FAM234A: variants seen among roughly 807,000 people sequenced by gnomAD.
FAM234A encodes the protein family with sequence similarity 234 member A, also known as protein FAM234A.
Under a neutral mutation model 49.1 loss-of-function variants are expected in FAM234A, and 42 were observed. The ratio of observed to expected loss-of-function variants is 0.86; its 90% CI spans 0.67 to 1.11. The LOEUF (loss-of-function observed/expected upper bound fraction) is 1.11. Among genes scored for constraint, FAM234A ranks in the 50% least tolerant of loss-of-function variants. The pLI, the probability that FAM234A is intolerant of heterozygous loss-of-function variation, is 0.00. For missense variants in FAM234A, 815 were observed against 745.2 expected (o/e 1.09, Z -1.09); for synonymous variants, 369 against 316.2 (o/e 1.17, Z -1.77).
chr16:256,905 G>A (rs1383317857), intron 3 of FAM234A, among the ~76,000 whole-genome samples: 4 of 152,058 alleles, frequency 2.6e-5, no homozygotes, highest in African/African-American at 9.7e-5. Context: ...ACCACACCCG[G>A]CTAATTTTGT....
chr16:236,302 G>A (rs1746139784), intron 1 of FAM234A, among the ~76,000 whole-genome samples: 1 of 151,716 alleles, frequency 6.6e-6, no homozygotes. Context: ...TGGGACTACA[G>A]GCATGTGCCA....
At position 265,046 on chromosome 16, in the gene FAM234A, G is replaced by C. The variant is rs753505648; in HGVS notation, c.*24G>C. 5 of 1,575,722 alleles carry C rather than the reference G, an allele frequency of 3.2e-6. No individual in the cohort carries two copies. In the African/African-American group the frequency reaches 6.7e-5, roughly 21 times the overall value. ...AGAGGCACGCCAGCCAGAGCCTGTG[G>C]AGAGACTCCGCCTGCTGACACTAAA... On this transcript the variant is annotated 3_prime_UTR_variant, in exon 13 of 13. Transcript: ENST00000399932.
At position 265,375 on chromosome 16, in the gene FAM234A, C is replaced by T; in HGVS notation, c.*353C>T. 9.4e-7 allele frequency: 1 copy of T among 1,061,020 alleles called. No homozygotes were observed. The highest frequency in any genetic ancestry group is 1.7e-5 in the African/African-American group (1 of 60,098). The allele number at this position is 1,061,020 out of a possible 1,614,324, so 65.7% of individuals were successfully genotyped here. A position where few individuals can be genotyped will look rare whatever the true frequency, so the allele number is the denominator to read the frequency against. On this transcript the variant is annotated 3_prime_UTR_variant, in exon 13 of 13. Coordinates refer to ENST00000399932, the MANE Select transcript of FAM234A (RefSeq NM_032039.4). ...GCACCCCATCCTTACCCGGTGCCCT[C>T]TCCTTGCCAGCTTCTCCCCAGGCCA...
At chr16:251,746 G>A (rs2051022215) in intron 2 of FAM234A, among the ~76,000 whole-genome samples, 2 of 130,842 alleles carry the variant, frequency 1.5e-5, no homozygotes, top group Non-Finnish European at 3.1e-5. Flanking sequence ...GCTCATGCCT[G>A]TAATCCCAGC....
chr16:253,895 C>G (rs1011815504), intron 2 of FAM234A: 1 of 168,252 alleles, frequency 5.9e-6, no homozygotes, highest in South Asian at 1.4e-4. Flanking sequence ...TAGGGAGGTG[C>G]AAGCCTGCCC....
chr16:249,260 T>TA (rs1314506965), intron 1 of FAM234A, among the ~76,000 whole-genome samples: 3 of 151,814 alleles, frequency 2.0e-5, no homozygotes, highest in Non-Finnish European at 4.4e-5. Context: ...ATCTGGTAGT[T>TA]AGAGTGGGAT....
Position 266,076 on chromosome 16 carries a change from A to G in FAM234A, c.*1054A>G. The G allele has an allele frequency of 1.0e-6, 1 of 985,766 alleles. No individual in the cohort carries two copies. The highest frequency in any genetic ancestry group is 1.7e-5 in the African/African-American group (1 of 57,334). 61.1% of individuals were successfully genotyped at this position (985,766 alleles called of 1,614,324 possible). ...CACCAAGGAAGAAAGCAGAATAAAC[A>G]TTTTTGCACTGCCTGAAAAACCCCG... On this transcript the variant is annotated 3_prime_UTR_variant, in exon 13 of 13. Transcript: ENST00000399932.
At chr16:242,216 C>T (rs898738574) in intron 1 of FAM234A, among the ~76,000 whole-genome samples, 31 of 152,006 alleles carry the variant, frequency 2.0e-4, no homozygotes, top group Non-Finnish European at 3.2e-4. Context: ...GCTGGTTTAC[C>T]GATAGTCCTT....
chr16:259,793 G>A (rs572814874), intron 4 of FAM234A, among the ~76,000 whole-genome samples, 176 bp from the exon 5 acceptor site: 18 of 152,280 alleles, frequency 1.2e-4, no homozygotes, highest in African/African-American at 3.4e-4. Context: ...CCTGAGCCCC[G>A]TGGGGTCAGC....
At chr16:238,515 C>T (rs1449979544) in intron 1 of FAM234A, among the ~76,000 whole-genome samples, 2 of 151,954 alleles carry the variant, frequency 1.3e-5, no homozygotes, top group African/African-American at 4.8e-5. Flanking sequence ...GCCTGTAATC[C>T]CAGCCCTTTG....
intron 2 of FAM234A, 63 bp from the exon 3 acceptor site, chr16:254,318 C>G: frequency 1.4e-6 from 2 of 1,410,974 alleles, no homozygotes; most frequent in Non-Finnish European, 2.0e-6. Flanking sequence ...GCAGACCCCT[C>G]TGTGCTGCAG....
In FAM234A at chr16:264,644, A is replaced by G. The variant is rs745919114; in HGVS notation, c.1375A>G (p.Met459Val). Residue 459 changes from methionine to valine, a missense_variant, in exon 12 of 13, where the codon ATG (methionine) becomes GTG (valine). Transcript: ENST00000399932. ...ETGEARHSLY[M>V]FHPTLPRVLL... ...CGGGGAGGCCCGGCACAGCCTGTAC[A>G]TGTTCCACCCCACCCTGCCGCGCGT... The G allele has an allele frequency of 2.7e-5, 44 of 1,611,586 alleles. No individual in the cohort carries two copies. The highest frequency in any genetic ancestry group is 1.0e-4 in the Admixed American group (6 of 59,998).
intron 1 of FAM234A, among the ~76,000 whole-genome samples, chr16:243,105 C>T (rs997397793): frequency 1.3e-5 from 2 of 151,938 alleles, no homozygotes; most frequent in Admixed American, 1.3e-4. Flanking sequence ...CTCAGCCTCC[C>T]AGGTAGCTGG....
intron 3 of FAM234A, among the ~76,000 whole-genome samples, chr16:258,179 T>C (rs1214876025): frequency 1.3e-5 from 2 of 149,612 alleles, no homozygotes; most frequent in South Asian, 4.2e-4. Context: ...TTTTTATTGA[T>C]CATTCTTGGG....
rs368942873 is a variant in FAM234A, at chr16:254,499, C to A, written c.86C>A (p.Ser29Ter). The A allele has an allele frequency of 1.6e-5, 26 of 1,614,086 alleles. No homozygotes were observed. The highest frequency in any genetic ancestry group is 1.7e-5 in the Non-Finnish European group (20 of 1,180,030). ...TCGCAGGAAAATCTGGGAAATCCATCAAAAAATGAGGATAACGTGAAAAGC... is the reference window on the plus strand; with the variant it reads ...TCGCAGGAAAATCTGGGAAATCCATAAAAAAATGAGGATAACGTGAAAAGC... Reference protein sequence around the residue: ...RKSQENLGNPSKNEDNVKSAP... With the variant: ...RKSQENLGNP The change falls in exon 3 of 13, where the codon TCA (serine) becomes TAA (stop). Residue 29 changes from serine (S) to a stop codon, truncating the protein, a stop_gained. Transcript: ENST00000399932. LOFTEE classifies it high-confidence loss of function.
intron 1 of FAM234A, among the ~76,000 whole-genome samples, chr16:235,146 A>G (rs879524498): frequency 2.0e-5 from 3 of 152,066 alleles, no homozygotes; most frequent in Non-Finnish European, 4.4e-5. Flanking sequence ...ACAAGCCCAC[A>G]TGTTCCTCAA....
At chr16:256,516 T>C (rs1327821720) in intron 3 of FAM234A, among the ~76,000 whole-genome samples, 1 of 152,148 alleles carries the variant, frequency 6.6e-6, no homozygotes, top group Non-Finnish European at 1.5e-5. Context: ...TGAATGTCTA[T>C]TCTTGCAGTC....
At chr16:260,288 G>A in intron 5 of FAM234A, 128 bp downstream of exon 5, 1 of 884,320 alleles carries the variant, frequency 1.1e-6, no homozygotes, top group African/African-American at 1.7e-5. Context: ...GGATGGGAAG[G>A]AAGGTTATGG....
chr16:257,726 C>T (rs1226438207), intron 3 of FAM234A, among the ~76,000 whole-genome samples: 3 of 152,108 alleles, frequency 2.0e-5, no homozygotes, highest in Non-Finnish European at 2.9e-5. Flanking sequence ...TGGCTCACAC[C>T]TGTAATTCCA....
Sources: allele counts gnomAD v4.1 joint callset (sites outside exome capture counted in the v4.1 genomes callset), GRCh38; gene constraint gnomAD v4.1.1; transcripts MANE v1.5; gene names NCBI Gene and HGNC (gene_info 2026-07-23, HGNC 2026-07-21).